VRK2: variants seen among roughly 807,000 people sequenced by gnomAD.
VRK2 encodes the protein VRK serine/threonine kinase 2, also known as serine/threonine-protein kinase VRK2.
Under a neutral mutation model 57.6 loss-of-function variants are expected in VRK2, and 60 were observed. The ratio of observed to expected loss-of-function variants is 1.04; its 90% CI spans 0.85 to 1.29. The LOEUF (loss-of-function observed/expected upper bound fraction) is 1.29, where lower values mean the gene tolerates loss of function less well. Among genes scored for constraint, VRK2 ranks in the 50% most tolerant of loss-of-function variants. The pLI is 0.00. For missense variants in VRK2, 705 were observed against 588.1 expected (o/e 1.20, Z -2.06); for synonymous variants, 231 against 199.2 (o/e 1.16, Z -1.35).
At chr2:58,070,125 A>G (rs983385489) in intron 2 of VRK2, among the ~76,000 whole-genome samples, 4 of 152,184 alleles carry the variant, frequency 2.6e-5, no homozygotes, top group African/African-American at 7.2e-5. Context: ...TAAATATGTT[A>G]TAATTTATTA....
At chr2:58,119,476 C>CAAAAAAA (rs35693605) in intron 7 of VRK2, among the ~76,000 whole-genome samples, 1 of 87,292 alleles carries the variant, frequency 1.1e-5, no homozygotes, top group Admixed American at 1.2e-4. Context: ...GACTCCATCT[C>CAAAAAAA]AAAAAAAAAA....
rs116440150 is a variant in VRK2 at position 57,937,427 on chromosome 2, G to A, written c.-439+29588G>A. Among the ~76,000 whole-genome samples the A allele has an allele frequency of 9.8e-3, 1,487 of 152,090 alleles. 12 individuals are homozygous for A. The highest frequency in any genetic ancestry group is 0.071 in the Middle Eastern group (21 of 294). ...ATGGCACTGTCTCTCTGACACTAAG[G>A]ACACAAATCACAGCTTTTCTTAGTG... On this transcript the variant is annotated intron_variant, in intron 1 of 15. Coordinates refer to the VRK2 transcript ENST00000417641.
At chr2:58,137,051 A>G (rs1680287329) in intron 10 of VRK2, among the ~76,000 whole-genome samples, 3 of 127,518 alleles carry the variant, frequency 2.4e-5, no homozygotes, top group African/African-American at 6.1e-5. Context: ...TATAATATAT[A>G]TGTGTATATA....
intron 1 of VRK2, among the ~76,000 whole-genome samples, chr2:57,917,407 C>A (rs951965): frequency 0.33 from 49,621 of 150,986 alleles, 8,674 homozygotes; most frequent in Middle Eastern, 0.41. Flanking sequence ...ATAGAGTGAC[C>A]TGAGATCTCA....
chr2:58,040,726 T>G (rs1674422833), intron 3 of VRK2, among the ~76,000 whole-genome samples: 3 of 152,180 alleles, frequency 2.0e-5, no homozygotes, highest in Admixed American at 2.0e-4. Flanking sequence ...TTCCACCTAG[T>G]TCATTAGGTA....
rs144168548 is a variant in VRK2, at chr2:57,960,978, T to C, written c.-439+53139T>C. ...ATGCATTTATTCAACAAATATGTAC[T>C]GAACAGTTACTGTGTGCCAGGCAAT... On this transcript the variant is annotated intron_variant, in intron 1 of 15. Transcript: ENST00000417641. 1.2e-3 allele frequency among the ~76,000 whole-genome samples: 185 copies of C among 152,344 alleles called. 1 individual carries two copies. Among genetic ancestry groups the C allele is most frequent in the Admixed American group, 8.4e-3 (128 of 15,306 alleles).
intron 11 of VRK2, among the ~76,000 whole-genome samples, chr2:58,140,628 C>T (rs1056090122): frequency 3.3e-5 from 5 of 151,802 alleles, no homozygotes; most frequent in East Asian, 1.9e-4. Context: ...GCCAAGAATG[C>T]GGGATGCAAA....
intron 3 of VRK2, 129 bp from the exon 4 acceptor site, chr2:58,084,752 G>A: frequency 1.8e-6 from 1 of 564,250 alleles, no homozygotes; most frequent in Non-Finnish European, 3.0e-6. Flanking sequence ...TGGTGCCTAT[G>A]TTTTATAAAA....
chr2:58,049,793 C>A (rs1317010573), intron 2 of VRK2, among the ~76,000 whole-genome samples: 1 of 152,154 alleles, frequency 6.6e-6, no homozygotes, highest in Non-Finnish European at 1.5e-5. Context: ...TTGAGGGAAT[C>A]TTGGGTTCTC....
chr2:57,914,605 C>T (rs959431656), intron 1 of VRK2, among the ~76,000 whole-genome samples: 3 of 151,938 alleles, frequency 2.0e-5, no homozygotes, highest in Non-Finnish European at 4.4e-5. Context: ...TCCAAATATC[C>T]GAAAAGGTGT....
At chr2:58,017,848 A>T (rs1673632869) in intron 1 of VRK2, among the ~76,000 whole-genome samples, 1 of 152,204 alleles carries the variant, frequency 6.6e-6, no homozygotes, top group Non-Finnish European at 1.5e-5. Flanking sequence ...AATCTCTGTT[A>T]AGCAAACAAA....
rs374834561 is a variant in VRK2, at chr2:58,057,023, C to T, written c.136+8056C>T. On this transcript the variant is annotated intron_variant, in intron 2 of 12. Transcript: ENST00000340157. ...TGGTGTGCTTTCACACAATGCTCAC[C>T]TCATTATTTCAGACGGTCACTATTT... Among the ~76,000 whole-genome samples, 17 of 152,126 alleles carry T rather than the reference C, an allele frequency of 1.1e-4. No individual in the cohort carries two copies. In the East Asian group the frequency reaches 1.9e-3, roughly 17 times the overall value.
chr2:58,024,232 T>C (rs940013907), intron 1 of VRK2, among the ~76,000 whole-genome samples: 6 of 152,156 alleles, frequency 3.9e-5, no homozygotes, highest in South Asian at 4.1e-4. Context: ...AGTCCTGAAA[T>C]AAACATGTAT....
At chr2:57,958,425 GTGTATATACATGTATATATATTTGTA>G (rs1338333470) in intron 1 of VRK2, among the ~76,000 whole-genome samples, 3 of 150,314 alleles carry the variant, frequency 2.0e-5, no homozygotes, top group Admixed American at 2.0e-4. Flanking sequence ...GTGTGTGTGT[GTGTATATACATGTATATATATTTGTA>G]TATATATACA....
chr2:58,037,718 C>A (rs1305475716), intron 3 of VRK2, among the ~76,000 whole-genome samples: 3 of 152,082 alleles, frequency 2.0e-5, no homozygotes, highest in Non-Finnish European at 4.4e-5. Context: ...CCTTACAATA[C>A]TCCTGCAATA....
intron 10 of VRK2, among the ~76,000 whole-genome samples, chr2:58,135,451 T>C (rs561935400): frequency 6.6e-6 from 1 of 152,056 alleles, no homozygotes; most frequent in South Asian, 2.1e-4. Flanking sequence ...CTTTTTTTTT[T>C]TTTTTTAAGA....
At chr2:58,047,345 T>C in intron 1 of VRK2, 1 of 864,808 alleles carries the variant, frequency 1.2e-6, no homozygotes, top group Non-Finnish European at 1.4e-6. Flanking sequence ...GCTCGGAAAC[T>C]CGTGTTGAGG....
intron 1 of VRK2, among the ~76,000 whole-genome samples, chr2:57,954,196 T>G (rs1430776401): frequency 6.6e-6 from 1 of 152,160 alleles, no homozygotes; most frequent in East Asian, 1.9e-4. Context: ...TTTTCAACAC[T>G]AGACCAGAAA....
intron 2 of VRK2, among the ~76,000 whole-genome samples, chr2:58,055,788 A>G (rs1348336893): frequency 1.3e-5 from 2 of 152,190 alleles, no homozygotes; most frequent in Non-Finnish European, 2.9e-5. Flanking sequence ...CAAATAAAAG[A>G]CCTTCAGAAA....
Sources: allele counts gnomAD v4.1 joint callset (sites outside exome capture counted in the v4.1 genomes callset), GRCh38; gene constraint gnomAD v4.1.1; transcripts MANE v1.5; gene names NCBI Gene and HGNC (gene_info 2026-07-23, HGNC 2026-07-21).